The following EPHA7 variants were observed in gnomAD, a reference collection of about 807,000 sequenced individuals.
EPHA7 encodes ephrin type-A receptor 7.
In EPHA7, 25 loss-of-function variants were observed where a neutral mutation model predicts 112.6. The observed-to-expected ratio is 0.22, with a 90% confidence interval of 0.16 to 0.31. The LOEUF (loss-of-function observed/expected upper bound fraction) is 0.31. EPHA7 is among the 10% of genes least tolerant of loss of function. The pLI is 1.00. For synonymous variants in EPHA7, 437 were observed against 406.5 expected, an observed-to-expected ratio of 1.07 and a Z score of -0.90; for missense variants, 962 against 1,212.6, an observed-to-expected ratio of 0.79 and a Z score of 3.07.
At chr6:93,266,820 C>T (rs190771666) in intron 7 of EPHA7, among the ~76,000 whole-genome samples, 31 of 151,820 alleles carry the variant, frequency 2.0e-4, no homozygotes, top group Admixed American at 1.7e-3. Context: ...CTGTCTTTCA[C>T]TGAACTTTTA....
chr6:93,244,751 C>T (rs577988971), intron 16 of EPHA7, among the ~76,000 whole-genome samples: 1 of 152,084 alleles, frequency 6.6e-6, no homozygotes, highest in South Asian at 2.1e-4. Context: ...CTATGGTTAA[C>T]TGAATTAAGC....
chr6:93,317,724 C>G (rs1420071172), intron 5 of EPHA7, among the ~76,000 whole-genome samples: 1 of 152,056 alleles, frequency 6.6e-6, no homozygotes, highest in Non-Finnish European at 1.5e-5. Context: ...CAAACCAACC[C>G]ACCTCCAACC....
rs1355988571 is a variant in EPHA7 at position 93,410,934 on chromosome 6, G to T, written c.399C>A (p.Asp133Glu). 6.2e-7 allele frequency: 1 copy of T among 1,613,996 alleles called. No homozygotes were observed. Among genetic ancestry groups the T allele is most frequent in the South Asian group, 1.1e-5 (1 of 91,072 alleles). ...GGTTTTCTCTTATATTCCTGCCAGTGTCATAGTCTGTTTCATAATAGTACA... is the reference window on the plus strand; with the variant it reads ...GGTTTTCTCTTATATTCCTGCCAGTTTCATAGTCTGTTTCATAATAGTACA... ...FNLYYYETDYDTGRNIRENLY... is the reference protein window; with the variant it reads ...FNLYYYETDYETGRNIRENLY... The change falls in exon 3 of 17, where the codon GAC becomes GAA. Residue 133 changes from aspartate (D) to glutamate (E), a missense_variant. Asp to Glu is a conservative substitution (Grantham distance 45, BLOSUM62 2). This residue lies in a region of EPHA7 where 160 missense variants were observed against 263.6 expected (regional missense o/e 0.61). Transcript: ENST00000369303. This position sits in a 1 kb window ranked among gnomAD's most constrained non-coding sequence, Gnocchi z 4.0.
At chr6:93,296,565 T>G (rs976874565) in intron 5 of EPHA7, among the ~76,000 whole-genome samples, 26 of 150,802 alleles carry the variant, frequency 1.7e-4, no homozygotes, top group African/African-American at 6.3e-4. Context: ...ACCTAGAGGA[T>G]ATTACGCTAG....
At chr6:93,289,143 C>T (rs1772223396) in intron 5 of EPHA7, among the ~76,000 whole-genome samples, 1 of 152,050 alleles carries the variant, frequency 6.6e-6, no homozygotes, top group Admixed American at 6.6e-5. Flanking sequence ...ACTAAAATAT[C>T]TTATAAAACT....
chr6:93,279,543 A>G (rs1415399835), intron 5 of EPHA7, among the ~76,000 whole-genome samples: 2 of 152,130 alleles, frequency 1.3e-5, no homozygotes, highest in Non-Finnish European at 2.9e-5. Context: ...ACATGGACTG[A>G]ATAGGCAAAA....
intron 5 of EPHA7, among the ~76,000 whole-genome samples, chr6:93,306,267 T>G (rs1446793082): frequency 6.6e-6 from 1 of 151,958 alleles, no homozygotes; most frequent in African/African-American, 2.4e-5. Context: ...AAGTTTACAT[T>G]TTATCTCACT....
intron 3 of EPHA7, among the ~76,000 whole-genome samples, chr6:93,400,507 T>G (rs1306306138): frequency 6.6e-6 from 1 of 152,084 alleles, no homozygotes; most frequent in Non-Finnish European, 1.5e-5. Context: ...AACTCTCTTT[T>G]AGAAAGAATG....
intron 3 of EPHA7, among the ~76,000 whole-genome samples, chr6:93,397,129 T>C (rs1458175895): frequency 6.6e-6 from 1 of 151,760 alleles, no homozygotes; most frequent in African/African-American, 2.4e-5. Context: ...AAAATAAGTA[T>C]ACTTACTAAG....
intron 5 of EPHA7, among the ~76,000 whole-genome samples, chr6:93,318,790 G>A (rs1371644514): frequency 6.6e-6 from 1 of 151,924 alleles, no homozygotes; most frequent in East Asian, 1.9e-4. Context: ...CTTAAAAATT[G>A]TTTTCTCAAT....
intron 12 of EPHA7, 57 bp downstream of exon 12, chr6:93,257,405 A>C: frequency 7.4e-7 from 1 of 1,354,340 alleles, no homozygotes; most frequent in Non-Finnish European, 1.0e-6. Context: ...AGTTCATAAA[A>C]TTATATTGGT....
intron 9 of EPHA7, among the ~76,000 whole-genome samples, chr6:93,261,081 A>T (rs13207937): frequency 6.6e-6 from 1 of 151,792 alleles, no homozygotes; most frequent in East Asian, 1.9e-4. Flanking sequence ...ATTTTGACAG[A>T]CCAGAGCTTT....
At chr6:93,248,133 A>T (rs1192281808) in intron 14 of EPHA7, among the ~76,000 whole-genome samples, 1 of 151,968 alleles carries the variant, frequency 6.6e-6, no homozygotes, top group Non-Finnish European at 1.5e-5. Context: ...AAATCTTTGA[A>T]TTTTCAAAGA....
chr6:93,379,567 G>A (rs1777232483), intron 3 of EPHA7, among the ~76,000 whole-genome samples: 2 of 151,928 alleles, frequency 1.3e-5, no homozygotes, highest in Admixed American at 1.3e-4. Flanking sequence ...TTAGAAAAGT[G>A]ATTGTTTTGG....
At position 93,274,581 on chromosome 6, in the gene EPHA7, A is replaced by T. The variant is rs571707227; in HGVS notation, c.1325-2159T>A. ...CAACGTATTTTCCCTTTTGCACAGG[A>T]TCCATATCTGTAAGTGAATATACTC... On this transcript the variant is annotated intron_variant, in intron 5 of 16. Coordinates refer to ENST00000369303, the MANE Select transcript of EPHA7 (RefSeq NM_004440.4). Among the ~76,000 whole-genome samples, 6 of 152,016 alleles carry T rather than the reference A, an allele frequency of 3.9e-5. No individual in the cohort carries two copies. In the South Asian group the frequency reaches 1.2e-3, roughly 32 times the overall value.
chr6:93,332,054 T>C, intron 5 of EPHA7, among the ~76,000 whole-genome samples: 1 of 151,628 alleles, frequency 6.6e-6, no homozygotes, highest in East Asian at 1.9e-4. Flanking sequence ...TGTTCACTGA[T>C]ATCACGGGAA....
At position 93,258,151 on chromosome 6, in the gene EPHA7, C is replaced by G; in HGVS notation, c.2058G>C (p.Met686Ile). 6.2e-7 allele frequency: 1 copy of G among 1,613,460 alleles called. No homozygotes were observed. Among genetic ancestry groups the G allele is most frequent in the Non-Finnish European group, 8.5e-7 (1 of 1,179,682 alleles). Reference protein sequence around the residue: ...RRDFLCEASIMGQFDHPNVVH... With the variant: ...RRDFLCEASIIGQFDHPNVVH... Reference sequence around the variant, plus strand: ...CAACATTCGGGTGGTCAAACTGCCCCATGATGCTTGCTTCACACAAAAAGT... The same window carrying G: ...CAACATTCGGGTGGTCAAACTGCCCGATGATGCTTGCTTCACACAAAAAGT... Residue 686 changes from methionine (M) to isoleucine (I), a missense_variant, in exon 11 of 17, where the codon ATG becomes ATC. By Grantham distance (10) the Met-to-Ile change is conservative. Around this residue, in one of 3 missense-constraint regions of EPHA7, gnomAD observed 746 missense variants for 889.2 expected, o/e 0.84. Coordinates refer to ENST00000369303, the MANE Select transcript of EPHA7 (RefSeq NM_004440.4).
At chr6:93,271,683 G>T (rs1334236343) in intron 6 of EPHA7, among the ~76,000 whole-genome samples, 1 of 151,774 alleles carries the variant, frequency 6.6e-6, no homozygotes, top group Non-Finnish European at 1.5e-5. Flanking sequence ...GGATTAAAAA[G>T]GCAGCACTTG....
chr6:93,246,725 A>C, intron 15 of EPHA7, 67 bp downstream of exon 15: 1 of 1,333,392 alleles, frequency 7.5e-7, no homozygotes, highest in Non-Finnish European at 1.0e-6. Context: ...GGTGGGGTGG[A>C]GGAGATAAAT....
Sources: gnomAD v4.1 joint callset for allele counts (sites outside exome capture counted in the v4.1 genomes callset) on GRCh38, gnomAD v4.1.1 for gene constraint, gnomAD v4.1.1 regional missense constraint, Gnocchi (gnomAD v3.1) non-coding constraint, MANE v1.5 for transcripts, NCBI Gene and HGNC (gene_info 2026-07-23, HGNC 2026-07-21) for gene names.